Variants in ANXA5 observed in about 807,000 individuals in gnomAD.
The protein encoded by ANXA5 is annexin A5.
Under a neutral mutation model 48.1 loss-of-function variants are expected in ANXA5, and 40 were observed. The ratio of observed to expected loss-of-function variants is 0.83; its 90% CI spans 0.65 to 1.08. The LOEUF is 1.08. ANXA5 is among the 50% of genes least tolerant of loss of function. The probability of loss-of-function intolerance (pLI) is 0.00; values close to 1 mark genes in which losing one functional copy is unlikely to be tolerated. For missense variants in ANXA5, 357 were observed against 376.8 expected, an observed-to-expected ratio of 0.95 and a Z score of 0.44; for synonymous variants, 113 against 129.1, an observed-to-expected ratio of 0.88 and a Z score of 0.85.
At chr4:121,685,712 A>G (rs1281621056) in intron 3 of ANXA5, among the ~76,000 whole-genome samples, 1 of 152,194 alleles carries the variant, frequency 6.6e-6, no homozygotes, top group African/African-American at 2.4e-5. Flanking sequence ...AATGACTAGA[A>G]AAGAGGCTGG....
At chr4:121,691,051 C>T (rs2110491219) in intron 2 of ANXA5, among the ~76,000 whole-genome samples, 1 of 152,250 alleles carries the variant, frequency 6.6e-6, no homozygotes, top group South Asian at 2.1e-4. Context: ...CCTGGAGTCC[C>T]CACACTTTAC....
rs781155374 is a variant in ANXA5, at chr4:121,668,516, A to G, written c.915T>C (p.Ser305=). Residue 305 remains serine, a synonymous_variant, in exon 13 of 13, where the codon TCT becomes TCC. Coordinates refer to ENST00000296511, the MANE Select transcript of ANXA5 (RefSeq NM_001154.4). The part of the protein sequence containing the change: ...SLYSMIKGDT[S]GDYKKALLLL... ...GCAGAAGAGCTTTCTTATAGTCCCC[A>G]GATGTATCTCCCTGAAACCAAATGT... 2 of 1,613,388 alleles carry G rather than the reference A, an allele frequency of 1.2e-6. No individual in the cohort carries two copies. Among genetic ancestry groups the G allele is most frequent in the Non-Finnish European group, 1.7e-6 (2 of 1,179,506 alleles).
chr4:121,672,578 AC>A lies in ANXA5; in HGVS notation c.579del (p.Lys193AsnfsTer14). The A allele has an allele frequency of 6.2e-7, 1 of 1,613,884 alleles. No individual in the cohort carries two copies. The highest frequency in any genetic ancestry group is 1.7e-5 in the Admixed American group (1 of 60,010). ...CTTCGTGTTCCAAAGATGGTGATAA[AC>A]TTTTCTTCATCTGTCCCCCATTTAA... ...GELKWGTDEE[K>X]FITIFGTRSV... On this transcript the variant is annotated frameshift_variant, in exon 9 of 13. Coordinates refer to ENST00000296511, the MANE Select transcript of ANXA5 (RefSeq NM_001154.4). LOFTEE classifies it high-confidence loss of function.
In ANXA5 at chr4:121,668,179, G is replaced by A; in HGVS notation, c.*289C>T. 4.0e-6 allele frequency: 1 copy of A among 247,634 alleles called. No homozygotes were observed. The highest frequency in any genetic ancestry group is 7.7e-6 in the Non-Finnish European group (1 of 130,310). The allele number at this position is 247,634 out of a possible 1,614,324, so 15.3% of individuals were successfully genotyped here. The stretch of plus-strand genomic sequence containing the variant: ...AATATAAATGGAGTTTTTAAAAAAG[G>A]CTAAAAGCACTCTAGCCTCTTAAAA... On this transcript the variant is annotated 3_prime_UTR_variant, in exon 13 of 13. Transcript: ENST00000296511.
intron 2 of ANXA5, among the ~76,000 whole-genome samples, chr4:121,689,835 G>GA (rs1472850965): frequency 6.6e-6 from 1 of 152,182 alleles, no homozygotes; most frequent in Non-Finnish European, 1.5e-5. Flanking sequence ...ACAACACAAA[G>GA]AAGGAAAGGA....
At chr4:121,685,585 G>C (rs1404278206) in intron 3 of ANXA5, among the ~76,000 whole-genome samples, 1 of 152,154 alleles carries the variant, frequency 6.6e-6, no homozygotes, top group Non-Finnish European at 1.5e-5. Flanking sequence ...CTGAAAAGGT[G>C]GGCTGGATAC....
intron 8 of ANXA5, among the ~76,000 whole-genome samples, chr4:121,677,136 G>A (rs1724713094): frequency 6.6e-6 from 1 of 152,144 alleles, no homozygotes; most frequent in South Asian, 2.1e-4. Flanking sequence ...TGTTCCACTG[G>A]AGGAATGAAT....
chr4:121,683,456 A>G lies in ANXA5; in HGVS notation c.211T>C (p.Ser71Pro). 1 of 1,608,000 alleles carries G rather than the reference A, an allele frequency of 6.2e-7. No homozygotes were observed. The highest frequency in any genetic ancestry group is 8.5e-7 in the Non-Finnish European group (1 of 1,175,498). The change falls in exon 5 of 13, where the codon TCA becomes CCA. Residue 71 changes from serine to proline, a missense_variant. Transcript: ENST00000296511. ...TTTTCAAATTTTCCAGTTAGTTCTGATTTCAGGTCATCCAGAAGATCCTAA... is the reference window on the plus strand; with the variant it reads ...TTTTCAAATTTTCCAGTTAGTTCTGGTTTCAGGTCATCCAGAAGATCCTAA... ...FGRDLLDDLKSELTGKFEKLI... is the reference protein window; with the variant it reads ...FGRDLLDDLKPELTGKFEKLI...
intron 10 of ANXA5, among the ~76,000 whole-genome samples, chr4:121,670,805 G>T (rs1724599838): frequency 6.6e-6 from 1 of 152,120 alleles, no homozygotes; most frequent in African/African-American, 2.4e-5. Context: ...CATTAACTGT[G>T]TACTCAAGTG....
At chr4:121,678,245 T>A in intron 7 of ANXA5, 170 bp downstream of exon 7, 1 of 631,536 alleles carries the variant, frequency 1.6e-6, no homozygotes, top group Non-Finnish European at 2.8e-6. Context: ...TTAGACCAGA[T>A]ATTCTGAAAC....
At chr4:121,677,435 T>A (rs148402637) in intron 8 of ANXA5, among the ~76,000 whole-genome samples, 288 of 152,342 alleles carry the variant, frequency 1.9e-3, no homozygotes, top group Non-Finnish European at 3.1e-3. Context: ...CAATCCTACT[T>A]AAAATTCTGT....
intron 2 of ANXA5, among the ~76,000 whole-genome samples, chr4:121,696,282 T>C (rs756927508): frequency 5.3e-5 from 8 of 152,102 alleles, no homozygotes; most frequent in Admixed American, 4.6e-4. Context: ...AGGCCCACTT[T>C]TACACATTCA....
At chr4:121,694,105 G>T (rs57290831) in intron 2 of ANXA5, among the ~76,000 whole-genome samples, 7 of 45,278 alleles carry the variant, frequency 1.5e-4, no homozygotes, top group East Asian at 3.4e-4. Flanking sequence ...TTGTGGGCGG[G>T]GGGGAGGGGG....
chr4:121,673,814 T>A (rs192617774), intron 8 of ANXA5, among the ~76,000 whole-genome samples: 23 of 152,170 alleles, frequency 1.5e-4, no homozygotes, highest in African/African-American at 5.3e-4. Flanking sequence ...AAATAACTTT[T>A]AAAATTTAAT....
chr4:121,670,124 A>T, intron 10 of ANXA5, 112 bp from the exon 11 acceptor site: 1 of 717,434 alleles, frequency 1.4e-6, no homozygotes, highest in Non-Finnish European at 2.3e-6. Context: ...TAAAAACACA[A>T]AAGTACCAGA....
At chr4:121,672,469 C>G in intron 9 of ANXA5, 64 bp downstream of exon 9, 1 of 1,138,134 alleles carries the variant, frequency 8.8e-7, no homozygotes, top group Non-Finnish European at 1.3e-6. Flanking sequence ...TATTCTGTCA[C>G]ACTGGCTCAT....
intron 6 of ANXA5, among the ~76,000 whole-genome samples, chr4:121,679,809 T>C (rs750295807): frequency 1.3e-5 from 2 of 152,202 alleles, no homozygotes; most frequent in Non-Finnish European, 2.9e-5. Flanking sequence ...TTTTCATATA[T>C]GTGTACGTTG....
At chr4:121,676,358 T>C (rs1007777884) in intron 8 of ANXA5, among the ~76,000 whole-genome samples, 2 of 152,286 alleles carry the variant, frequency 1.3e-5, no homozygotes, top group African/African-American at 4.8e-5. Context: ...ATTCTTATAG[T>C]GAAATATTAA....
intron 6 of ANXA5, among the ~76,000 whole-genome samples, chr4:121,679,804 A>G (rs535172042): frequency 6.6e-6 from 1 of 152,310 alleles, no homozygotes; most frequent in South Asian, 2.1e-4. Context: ...TGATGTTTTC[A>G]TATATGTGTA....
Sources: allele counts gnomAD v4.1 joint callset (sites outside exome capture counted in the v4.1 genomes callset), GRCh38; gene constraint gnomAD v4.1.1; transcripts MANE v1.5; gene names NCBI Gene and HGNC (gene_info 2026-07-23, HGNC 2026-07-21).